The following TMEM11 variants were observed in gnomAD, a reference collection of about 807,000 sequenced individuals.
The protein encoded by TMEM11 is transmembrane protein 11.
Under a neutral mutation model 17.0 loss-of-function variants are expected in TMEM11, and 1 was observed. The observed-to-expected ratio is 0.06, with a 90% CI of 0.02 to 0.28. TMEM11 has a LOEUF of 0.28. Ranked by LOEUF, TMEM11 falls within the 10% of genes least tolerant of loss-of-function variation. TMEM11 has a pLI of 1.00. For missense variants in TMEM11, 172 were observed against 252.9 expected (o/e 0.68, Z 2.17); for synonymous variants, 122 against 118.1 (o/e 1.03, Z -0.21).
chr17:21,210,796 G>T, intron 1 of TMEM11: 1 of 898,068 alleles, frequency 1.1e-6, no homozygotes, highest in Non-Finnish European at 1.5e-6. Context: ...AAATAACTTC[G>T]CGCTAAACCT....
At chr17:21,203,441 G>A (rs1262619899) in intron 1 of TMEM11, among the ~76,000 whole-genome samples, 1 of 152,216 alleles carries the variant, frequency 6.6e-6, no homozygotes, top group African/African-American at 2.4e-5. Context: ...CCATGACCAG[G>A]TGCGGTGGCT....
chr17:21,203,713 G>GAAAAAAAAA (rs1555542170), intron 1 of TMEM11, among the ~76,000 whole-genome samples: 1 of 150,834 alleles, frequency 6.6e-6, no homozygotes, highest in Non-Finnish European at 1.5e-5. Context: ...GAAAAAAAAA[G>GAAAAAAAAA]AAAAAAGAAA....
chr17:21,206,319 T>G (rs1974942383), intron 1 of TMEM11, among the ~76,000 whole-genome samples: 1 of 152,126 alleles, frequency 6.6e-6, no homozygotes, highest in Non-Finnish European at 1.5e-5. Context: ...CCTCCCGGGC[T>G]TAAGCGAGTC....
At chr17:21,201,404 G>C (rs1974882053) in intron 1 of TMEM11, among the ~76,000 whole-genome samples, 1 of 152,246 alleles carries the variant, frequency 6.6e-6, no homozygotes, top group Non-Finnish European at 1.5e-5. Context: ...TGGGACAAGA[G>C]CCTCCTAAAC....
At position 21,198,169 on chromosome 17, in the gene TMEM11, C is replaced by G. The variant is rs1974840095; in HGVS notation, c.*155G>C. On this transcript the variant is annotated 3_prime_UTR_variant, in exon 2 of 2. Transcript: ENST00000317635. This position sits in a 1 kb window ranked among gnomAD's most constrained non-coding sequence, Gnocchi z 6.5. ...ATCTTAGTGTAATGAGCTGAAAAAC[C>G]CTGGGTACACCCGTGATCTGTTATT... 1.0e-6 allele frequency: 1 copy of G among 983,358 alleles called. No homozygotes were observed. The highest frequency in any genetic ancestry group is 1.6e-5 in the African/African-American group (1 of 60,868). The allele number at this position is 983,358 out of a possible 1,614,324, so 60.9% of individuals were successfully genotyped here.
chr17:21,210,916 G>A (rs1434641680), intron 1 of TMEM11: 7 of 1,262,050 alleles, frequency 5.5e-6, no homozygotes, highest in Admixed American at 2.4e-5. Context: ...AGGAACTCAA[G>A]AGCACACAGC....
intron 1 of TMEM11, among the ~76,000 whole-genome samples, chr17:21,200,034 A>G (rs1303573677): frequency 6.6e-6 from 1 of 152,210 alleles, no homozygotes; most frequent in Non-Finnish European, 1.5e-5. Flanking sequence ...GAGACCACAC[A>G]AGGGGCTTTC....
intron 1 of TMEM11, among the ~76,000 whole-genome samples, chr17:21,206,890 G>GATAGAATT (rs1474385212): frequency 3.3e-5 from 5 of 152,106 alleles, no homozygotes; most frequent in Admixed American, 3.3e-4. Context: ...AATTCACAGA[G>GATAGAATT]CAACTCCCCC....
intron 1 of TMEM11, among the ~76,000 whole-genome samples, chr17:21,212,411 A>G (rs1054282259): frequency 2.6e-5 from 4 of 152,232 alleles, no homozygotes; most frequent in Admixed American, 1.3e-4. Flanking sequence ...AGGAACCAAG[A>G]ACTGGAACCA....
rs9916120 is a variant in TMEM11 at position 21,199,610 on chromosome 17, C to A, written c.63-770G>T. Among the ~76,000 whole-genome samples the A allele has an allele frequency of 7.2e-3, 1,091 of 152,328 alleles. 16 individuals are homozygous for A. Among genetic ancestry groups the A allele is most frequent in the African/African-American group, 0.023 (974 of 41,588 alleles). On this transcript the variant is annotated intron_variant, in intron 1 of 1. Coordinates refer to ENST00000317635, the MANE Select transcript of TMEM11 (RefSeq NM_003876.3). ...CAGGACAGATAATGCTAAGCCCTTG[C>A]CCTCCGCACGTTTCCTAAGTAGTCA...
At chr17:21,209,574 C>T (rs1567637332) in intron 1 of TMEM11, among the ~76,000 whole-genome samples, 2 of 152,162 alleles carry the variant, frequency 1.3e-5, no homozygotes, top group Non-Finnish European at 2.9e-5. Flanking sequence ...TTAAGACCAG[C>T]CTAGACAACA....
chr17:21,210,505 C>G (rs144848038), intron 1 of TMEM11, among the ~76,000 whole-genome samples: 1 of 152,146 alleles, frequency 6.6e-6, no homozygotes, highest in Admixed American at 6.6e-5. Context: ...TAAATACTCC[C>G]AAAGCCTGAG....
intron 1 of TMEM11, among the ~76,000 whole-genome samples, chr17:21,200,050 C>T (rs1466289494): frequency 6.6e-6 from 1 of 152,204 alleles, no homozygotes; most frequent in Non-Finnish European, 1.5e-5. Flanking sequence ...CTTTCCCCCC[C>T]GGGACTGGGG....
intron 1 of TMEM11, among the ~76,000 whole-genome samples, chr17:21,205,829 CCA>C (rs1266640063): frequency 6.6e-6 from 1 of 151,898 alleles, no homozygotes; most frequent in Non-Finnish European, 1.5e-5. Flanking sequence ...CTGGCTTATT[CCA>C]CAGAGCATAA....
At chr17:21,205,793 C>T (rs976564880) in intron 1 of TMEM11, among the ~76,000 whole-genome samples, 1 of 151,900 alleles carries the variant, frequency 6.6e-6, no homozygotes, top group Non-Finnish European at 1.5e-5. Context: ...CAAGTTGGAT[C>T]ATATATAGTA....
At chr17:21,208,912 G>A (rs1000091112) in intron 1 of TMEM11, among the ~76,000 whole-genome samples, 5 of 152,202 alleles carry the variant, frequency 3.3e-5, no homozygotes, top group Non-Finnish European at 1.5e-5. Flanking sequence ...CAACCCATCC[G>A]TCAGGCTGCT....
At chr17:21,206,662 A>C (rs147961549) in intron 1 of TMEM11, among the ~76,000 whole-genome samples, 1 of 152,136 alleles carries the variant, frequency 6.6e-6, no homozygotes, top group African/African-American at 2.4e-5. Context: ...TCAGCCTCCC[A>C]AGCAGCTGGG....
chr17:21,207,223 TATAACTTTAAAAA>T (rs1372407766), intron 1 of TMEM11, among the ~76,000 whole-genome samples: 1 of 152,182 alleles, frequency 6.6e-6, no homozygotes, highest in African/African-American at 2.4e-5. Context: ...GTGTTTAACA[TATAACTTTAAAAA>T]ATCTAAGATA....
intron 1 of TMEM11, among the ~76,000 whole-genome samples, chr17:21,205,635 AC>A (rs1327064582): frequency 6.6e-6 from 1 of 152,056 alleles, no homozygotes; most frequent in East Asian, 1.9e-4. Context: ...ACCAACCATC[AC>A]CACCATCCAC....
Sources: gnomAD v4.1 joint callset for allele counts (sites outside exome capture counted in the v4.1 genomes callset) on GRCh38, gnomAD v4.1.1 for gene constraint, Gnocchi (gnomAD v3.1) non-coding constraint, MANE v1.5 for transcripts, NCBI Gene and HGNC (gene_info 2026-07-23, HGNC 2026-07-21) for gene names.